SEC24D: variants seen among roughly 807,000 people sequenced by gnomAD.
The protein encoded by SEC24D is SEC24 homolog D, COPII component, also known as protein transport protein Sec24D.
A neutral mutation model predicts 116.9 loss-of-function variants in SEC24D; 69 were observed. The ratio of observed to expected loss-of-function variants is 0.59; its 90% confidence interval spans 0.49 to 0.72. The LOEUF is 0.72. SEC24D is among the 30% of genes least tolerant of loss of function. The pLI is 0.00. For missense variants in SEC24D, 1,131 were observed against 1,264.1 expected (o/e 0.89, Z 1.60); for synonymous variants, 405 against 442.8 (o/e 0.91, Z 1.07).
rs1461441344 is a variant in SEC24D, at chr4:118,810,749, T to C, written c.801+4279A>G. Reference sequence around the variant, plus strand: ...TGTCCTGCGAGCACATTTTGAGAAGTGTTATCCAGAGAGTAAATGCCAATG... The same window carrying C: ...TGTCCTGCGAGCACATTTTGAGAAGCGTTATCCAGAGAGTAAATGCCAATG... On this transcript the variant is annotated intron_variant, in intron 6 of 22. Transcript: ENST00000280551. Among the ~76,000 whole-genome samples, 5 of 151,832 alleles carry C rather than the reference T, an allele frequency of 3.3e-5. No homozygotes were observed. The East Asian group carries it at 9.7e-4, about 29-fold the overall frequency.
Position 118,834,024 on chromosome 4 carries a change from T to C in SEC24D, c.-41-287A>G, listed in dbSNP as rs894392665. On this transcript the variant is annotated intron_variant, in intron 1 of 22. Coordinates refer to ENST00000280551, the MANE Select transcript of SEC24D (RefSeq NM_014822.4). The stretch of plus-strand genomic sequence containing the variant: ...TTTTTTAATGGAAGCCTGAAGCATC[T>C]CACAGATAGTCTCTCATAGTGTTCC... Among the ~76,000 whole-genome samples, 28 of 152,230 alleles carry C rather than the reference T, an allele frequency of 1.8e-4. 1 individual carries two copies. The highest frequency in any genetic ancestry group is 2.5e-4 in the Non-Finnish European group (17 of 68,046).
At chr4:118,835,084 T>A (rs115878132) in intron 1 of SEC24D, among the ~76,000 whole-genome samples, 6,655 of 152,242 alleles carry the variant, frequency 0.044, 201 homozygotes, top group Non-Finnish European at 0.064. Flanking sequence ...AACCCCTTTT[T>A]CCTCCTCCCA....
intron 3 of SEC24D, among the ~76,000 whole-genome samples, chr4:118,820,109 C>T (rs1307064138): frequency 6.6e-6 from 1 of 151,768 alleles, no homozygotes; most frequent in East Asian, 1.9e-4. Context: ...TAACAAACCC[C>T]TCATATAAAT....
At chr4:118,728,748 T>C (rs1450894257) in intron 21 of SEC24D, 98 bp from the exon 22 acceptor site, 1 of 705,744 alleles carries the variant, frequency 1.4e-6, no homozygotes, top group Non-Finnish European at 2.2e-6. Context: ...TAAAACCATG[T>C]ACTTGAACAT....
chr4:118,793,843 A>C (rs1390189006), intron 8 of SEC24D, among the ~76,000 whole-genome samples: 1 of 152,226 alleles, frequency 6.6e-6, no homozygotes, highest in African/African-American at 2.4e-5. Flanking sequence ...GGGAAAAGAA[A>C]GGGCTTTGTG....
intron 8 of SEC24D, among the ~76,000 whole-genome samples, chr4:118,778,225 T>C (rs573673146): frequency 3.9e-5 from 6 of 152,172 alleles, no homozygotes; most frequent in South Asian, 2.1e-4. Flanking sequence ...TCTTCTAGGG[T>C]TTTTATGGTT....
chr4:118,757,738 C>T lies in SEC24D; in HGVS notation c.1404G>A (p.Met468Ile), dbSNP rs143804876. ...VKLICEELKT[M>I]LEKIPKEEQE... ...TGCCTTACTTTGGAATTTTTTCCAGCATGGTCTTCAGTTCTTCACATATGA... is the reference window on the plus strand; with the variant it reads ...TGCCTTACTTTGGAATTTTTTCCAGTATGGTCTTCAGTTCTTCACATATGA... The change falls in exon 11 of 23, where the codon ATG becomes ATA. Residue 468 changes from methionine to isoleucine, a missense_variant. By Grantham distance (10) the Met-to-Ile change is conservative. Transcript: ENST00000280551. The T allele has an allele frequency of 6.2e-7, 1 of 1,605,276 alleles. No individual in the cohort carries two copies. Among genetic ancestry groups the T allele is most frequent in the Non-Finnish European group, 8.5e-7 (1 of 1,177,338 alleles).
At chr4:118,835,315 C>T (rs1365219093) in intron 1 of SEC24D, among the ~76,000 whole-genome samples, 1 of 152,218 alleles carries the variant, frequency 6.6e-6, no homozygotes, top group Non-Finnish European at 1.5e-5. Flanking sequence ...CCACGTCAAA[C>T]TTCCTCACAC....
chr4:118,744,019 CCAGTGAGCTGA>C lies in SEC24D; in HGVS notation c.1953_1963del (p.Gln652ArgfsTer15). The C allele has an allele frequency of 6.2e-7, 1 of 1,610,536 alleles. No homozygotes were observed. Among genetic ancestry groups the C allele is most frequent in the Non-Finnish European group, 8.5e-7 (1 of 1,178,878 alleles). ...ATTGTTGTATTTGTAAAGGGTTCCT[CCAGTGAGCTGA>C]GGAACCAGCCCCAGCGAGGCCACGT... On this transcript the variant is annotated frameshift_variant, in exon 15 of 23. Coordinates refer to ENST00000280551, the MANE Select transcript of SEC24D (RefSeq NM_014822.4). LOFTEE classifies it high-confidence loss of function.
In SEC24D at chr4:118,809,455, T is replaced by A. The variant is rs562798284; in HGVS notation, c.802-3501A>T. Among the ~76,000 whole-genome samples, 3 of 152,336 alleles carry A rather than the reference T, an allele frequency of 2.0e-5. No homozygotes were observed. In the South Asian group the frequency reaches 6.2e-4, roughly 32 times the overall value. On this transcript the variant is annotated intron_variant, in intron 6 of 22. Transcript: ENST00000280551. ...GAAGCTCAGTAAATGTGACTTTACA[T>A]CTTTCTTTCCAGAAGGAAAAATTTA...
chr4:118,762,473 C>T (rs947406711), intron 10 of SEC24D, among the ~76,000 whole-genome samples: 19 of 152,088 alleles, frequency 1.2e-4, no homozygotes, highest in African/African-American at 4.6e-4. Flanking sequence ...AGAATTTAGC[C>T]TACAGCTTGG....
chr4:118,772,646 G>A (rs559396250), intron 8 of SEC24D, among the ~76,000 whole-genome samples: 8 of 152,280 alleles, frequency 5.3e-5, no homozygotes, highest in Admixed American at 6.5e-5. Flanking sequence ...AGCCTGTGAA[G>A]CAAAGAGAAC....
rs1346476950 is a variant in SEC24D at position 118,752,694 on chromosome 4, T to C, written c.1613+3A>G. On this transcript the variant is annotated splice_donor_region_variant and intron_variant, in intron 12 of 22. Coordinates refer to ENST00000280551, the MANE Select transcript of SEC24D (RefSeq NM_014822.4). ...TTTAAATTATAAAACACTTGATATT[T>C]ACTTATGAATCACAGATTGGGATTC... 6.3e-7 allele frequency: 1 copy of C among 1,586,676 alleles called. No individual in the cohort carries two copies. Among genetic ancestry groups the C allele is most frequent in the African/African-American group, 1.4e-5 (1 of 73,428 alleles).
chr4:118,818,032 G>A (rs1730225556), intron 3 of SEC24D, among the ~76,000 whole-genome samples: 1 of 150,962 alleles, frequency 6.6e-6, no homozygotes, highest in Non-Finnish European at 1.5e-5. Flanking sequence ...GCCAGACCCT[G>A]TCCCAAAGAG....
chr4:118,827,943 G>C (rs888085122), intron 2 of SEC24D, among the ~76,000 whole-genome samples: 4 of 151,984 alleles, frequency 2.6e-5, no homozygotes, highest in African/African-American at 9.7e-5. Flanking sequence ...CCATTTGTTG[G>C]GGGGGGAAAA....
chr4:118,762,395 TTCC>T (rs1727429507), intron 10 of SEC24D, among the ~76,000 whole-genome samples: 1 of 152,158 alleles, frequency 6.6e-6, no homozygotes, highest in South Asian at 2.1e-4. Context: ...AAGCCTAAGT[TTCC>T]TCAAGTAATG....
chr4:118,819,703 C>G (rs11098452), intron 3 of SEC24D, among the ~76,000 whole-genome samples: 88,079 of 151,794 alleles, frequency 0.58, 26,106 homozygotes, highest in East Asian at 0.66. Flanking sequence ...GGAGAAAAAA[C>G]CTCCCCAAAA....
At chr4:118,738,512 C>A in intron 18 of SEC24D, 133 bp from the exon 19 acceptor site, 1 of 685,050 alleles carries the variant, frequency 1.5e-6, no homozygotes, top group South Asian at 1.6e-5. Context: ...TAAATCTGTT[C>A]AAGTCATTTG....
chr4:118,815,319 C>A, intron 5 of SEC24D, 132 bp downstream of exon 5: 1 of 1,387,252 alleles, frequency 7.2e-7, no homozygotes, highest in Non-Finnish European at 9.9e-7. Context: ...TTGCTCTTGC[C>A]AAAACTCTTC....
Sources: gnomAD v4.1 joint callset for allele counts (sites outside exome capture counted in the v4.1 genomes callset) on GRCh38, gnomAD v4.1.1 for gene constraint, MANE v1.5 for transcripts, NCBI Gene and HGNC (gene_info 2026-07-23, HGNC 2026-07-21) for gene names.